The following MRTFA variants were observed in gnomAD, a reference collection of about 807,000 sequenced individuals.
MRTFA encodes myocardin related transcription factor A, also known as myocardin-related transcription factor A.
In MRTFA, 20 loss-of-function variants were observed where a neutral mutation model predicts 83.5. That is an observed-to-expected ratio of 0.24 (90% CI 0.17 to 0.35). The LOEUF is 0.35. Among genes scored for constraint, MRTFA ranks in the 10% least tolerant of loss-of-function variants. MRTFA has a pLI of 1.00. For synonymous variants in MRTFA, 659 were observed against 541.2 expected (o/e 1.22, Z -3.02); for missense variants, 1,200 against 1,224.7 (o/e 0.98, Z 0.30).
chr22:40,532,975 T>C (rs2055107944), intron 3 of MRTFA, among the ~76,000 whole-genome samples: 1 of 152,224 alleles, frequency 6.6e-6, no homozygotes, highest in Admixed American at 6.5e-5. Flanking sequence ...GAAAACTAAC[T>C]ATATTTTTAA....
At chr22:40,461,447 G>A (rs538388871) in intron 4 of MRTFA, among the ~76,000 whole-genome samples, 11 of 151,770 alleles carry the variant, frequency 7.2e-5, no homozygotes, top group Non-Finnish European at 1.3e-4. Context: ...GAGCCCAGGA[G>A]GTTGAGTTCA....
intron 1 of MRTFA, among the ~76,000 whole-genome samples, chr22:40,630,668 T>C (rs1393358220): frequency 6.6e-6 from 1 of 152,230 alleles, no homozygotes; most frequent in Admixed American, 6.5e-5. Flanking sequence ...TAAACTTCTA[T>C]ACTCCAGATT....
intron 3 of MRTFA, among the ~76,000 whole-genome samples, chr22:40,474,694 C>A (rs1569285863): frequency 6.6e-6 from 1 of 152,320 alleles, no homozygotes; most frequent in African/African-American, 2.4e-5. Context: ...CTGAAGGCCC[C>A]ACCTTCAGTG....
At chr22:40,492,873 C>G (rs768273219) in intron 3 of MRTFA, among the ~76,000 whole-genome samples, 5 of 152,188 alleles carry the variant, frequency 3.3e-5, no homozygotes, top group Non-Finnish European at 5.9e-5. Context: ...CAAATGGACA[C>G]TTCTCACCAA....
At position 40,410,992 on chromosome 22, in the gene MRTFA, A is replaced by T. The variant is rs1025771609; in HGVS notation, c.*398T>A. 1.2e-5 allele frequency: 3 copies of T among 241,748 alleles called. No individual in the cohort carries two copies. The highest frequency in any genetic ancestry group is 6.6e-5 in the African/African-American group (3 of 45,636). 15.0% of individuals were successfully genotyped at this position (241,748 alleles called of 1,614,324 possible). On this transcript the variant is annotated 3_prime_UTR_variant, in exon 15 of 15. Coordinates refer to ENST00000355630, the MANE Select transcript of MRTFA (RefSeq NM_020831.6). The stretch of plus-strand genomic sequence containing the variant: ...TCACAGCAAAGCAGGGAGAGAAAGG[A>T]AGGAGATTCACCCCTTAACCTGTCT...
intron 3 of MRTFA, among the ~76,000 whole-genome samples, chr22:40,473,137 G>A (rs190617287): frequency 6.6e-6 from 1 of 152,132 alleles, no homozygotes; most frequent in African/African-American, 2.4e-5. Flanking sequence ...ATACAGTGTA[G>A]TACATTTACT....
intron 3 of MRTFA, among the ~76,000 whole-genome samples, chr22:40,470,250 TATATATA>T (rs1476364308): frequency 4.0e-5 from 2 of 49,944 alleles, no homozygotes; most frequent in African/African-American, 1.2e-4. Flanking sequence ...TATATATATA[TATATATA>T]TATATATATA....
chr22:40,479,220 C>T (rs1344515729), intron 3 of MRTFA, among the ~76,000 whole-genome samples: 1 of 152,114 alleles, frequency 6.6e-6, no homozygotes, highest in Non-Finnish European at 1.5e-5. Context: ...CTCTGCCAGC[C>T]ACATATACAG....
intron 2 of MRTFA, chr22:40,569,471 C>G (rs1354827809): frequency 6.4e-6 from 1 of 155,326 alleles, no homozygotes; most frequent in African/African-American, 2.4e-5. Context: ...CGCCTGTAAT[C>G]CCAGTACTTT....
chr22:40,413,684 T>C (rs977136463), intron 14 of MRTFA, among the ~76,000 whole-genome samples: 4 of 151,880 alleles, frequency 2.6e-5, no homozygotes, highest in Admixed American at 6.6e-5. Flanking sequence ...ACCTCGTGAT[T>C]TGCCTGCCTC....
rs117732999 is a variant in MRTFA, at chr22:40,468,617, T to G, written c.242-5331A>C. ...AAATGACAATAAACTTGGCCACCAC[T>G]TTTCAGAATATTTATGTTAGAAAAG... On this transcript the variant is annotated intron_variant, in intron 3 of 14. Transcript: ENST00000355630. Among the ~76,000 whole-genome samples the G allele has an allele frequency of 6.0e-3, 915 of 152,322 alleles. 5 individuals carry two copies. Among genetic ancestry groups the G allele is most frequent in the South Asian group, 0.015 (71 of 4,828 alleles).
At chr22:40,475,707 G>T (rs917365777) in intron 3 of MRTFA, among the ~76,000 whole-genome samples, 15 of 152,112 alleles carry the variant, frequency 9.9e-5, no homozygotes, top group Non-Finnish European at 2.1e-4. Flanking sequence ...AAAAAGAATT[G>T]CTTGTTTCTT....
chr22:40,432,721 T>C (rs2053093462), intron 5 of MRTFA, among the ~76,000 whole-genome samples: 1 of 151,452 alleles, frequency 6.6e-6, no homozygotes, highest in Non-Finnish European at 1.5e-5. Context: ...CACCTAGCCA[T>C]CTGCTGCCTT....
Position 40,479,291 on chromosome 22 carries a change from G to A in MRTFA, c.242-16005C>T, listed in dbSNP as rs1569288432. On this transcript the variant is annotated intron_variant, in intron 3 of 14. Coordinates refer to ENST00000355630, the MANE Select transcript of MRTFA (RefSeq NM_020831.6). ...AATGCATTTGCATAATAAGATTAGG[G>A]TGGGGCAACCAGCCTTCCCCACTCA... 3.9e-5 allele frequency among the ~76,000 whole-genome samples: 6 copies of A among 152,048 alleles called. No individual in the cohort carries two copies. The South Asian group carries it at 1.2e-3, about 32-fold the overall frequency.
rs1017075109 is a variant in MRTFA, at chr22:40,411,007, T to G, written c.*383A>C. ...GAGAGAAAGGAAGGAGATTCACCCC[T>G]TAACCTGTCTCAGCCCTGGGTCAGA... On this transcript the variant is annotated 3_prime_UTR_variant, in exon 15 of 15. Coordinates refer to ENST00000355630, the MANE Select transcript of MRTFA (RefSeq NM_020831.6). 4.1e-6 allele frequency: 1 copy of G among 246,430 alleles called. No individual in the cohort carries two copies. The highest frequency in any genetic ancestry group is 7.8e-6 in the Non-Finnish European group (1 of 127,714). 15.3% of individuals were successfully genotyped at this position (246,430 alleles called of 1,614,324 possible).
At position 40,579,895 on chromosome 22, in the gene MRTFA, A is replaced by C. The variant is rs1007695435; in HGVS notation, c.-22+14779T>G. Among the ~76,000 whole-genome samples, 6 of 152,104 alleles carry C rather than the reference A, an allele frequency of 3.9e-5. No homozygotes were observed. The East Asian group carries it at 9.6e-4, about 24-fold the overall frequency. On this transcript the variant is annotated intron_variant, in intron 2 of 14. Transcript: ENST00000355630. The stretch of plus-strand genomic sequence containing the variant: ...AAAAAGACACAAATGCTGTTATAGA[A>C]GGAAACCAAAGTCCTAACTATAAAA...
At chr22:40,477,307 G>A (rs150051003) in intron 3 of MRTFA, among the ~76,000 whole-genome samples, 1,725 of 151,512 alleles carry the variant, frequency 0.011, 32 homozygotes, top group African/African-American at 0.039. Context: ...CCGAGATCAC[G>A]CCACTGCCCT....
At chr22:40,612,202 A>G (rs1159858498) in intron 1 of MRTFA, among the ~76,000 whole-genome samples, 1 of 152,246 alleles carries the variant, frequency 6.6e-6, no homozygotes, top group East Asian at 1.9e-4. Flanking sequence ...ATACTCAGTA[A>G]CTATTTGAAT....
At chr22:40,586,799 T>C (rs2056035418) in intron 2 of MRTFA, 5 of 365,774 alleles carry the variant, frequency 1.4e-5, no homozygotes, top group Non-Finnish European at 2.7e-5. Context: ...AGGTTTCTCC[T>C]GCTTAAAAAC....
Sources: gnomAD v4.1 joint callset for allele counts (sites outside exome capture counted in the v4.1 genomes callset) on GRCh38, gnomAD v4.1.1 for gene constraint, MANE v1.5 for transcripts, NCBI Gene and HGNC (gene_info 2026-07-23, HGNC 2026-07-21) for gene names.